Variants in TENM2 observed in about 807,000 individuals in gnomAD.
TENM2 encodes the protein teneurin-2.
A neutral mutation model predicts 245.2 loss-of-function variants in TENM2; 52 were observed. The observed-to-expected ratio is 0.21, with a 90% CI of 0.17 to 0.27. The LOEUF (loss-of-function observed/expected upper bound fraction) is 0.27. Among genes scored for constraint, TENM2 ranks in the 10% least tolerant of loss-of-function variants. The probability of loss-of-function intolerance (pLI) is 1.00; values close to 1 mark genes in which losing one functional copy is unlikely to be tolerated. For synonymous variants in TENM2, 1,363 were observed against 1,438.9 expected (o/e 0.95, Z 1.19); for missense variants, 3,046 against 3,666.8 (o/e 0.83, Z 4.37).
chr5:168,114,064 T>C (rs866075470), intron 9 of TENM2, among the ~76,000 whole-genome samples: 4 of 152,224 alleles, frequency 2.6e-5, no homozygotes, highest in Non-Finnish European at 5.9e-5. Context: ...ACCTATGGCA[T>C]TTCTTTATTT....
chr5:167,617,183 GTATTTTCTCTGCATTT>G (rs1234429885), intron 2 of TENM2, among the ~76,000 whole-genome samples: 1 of 152,032 alleles, frequency 6.6e-6, no homozygotes, highest in African/African-American at 2.4e-5. Context: ...ACTTTTTAAT[GTATTTTCTCTGCATTT>G]TAAAATGACT....
chr5:167,295,508 C>T (rs548126801), intron 1 of TENM2, among the ~76,000 whole-genome samples: 7 of 152,250 alleles, frequency 4.6e-5, no homozygotes, highest in South Asian at 2.1e-4. Flanking sequence ...CAGTGAGAGA[C>T]GGAAGAATTG....
chr5:167,811,145 G>A (rs541204435), intron 2 of TENM2, among the ~76,000 whole-genome samples: 8 of 152,224 alleles, frequency 5.3e-5, no homozygotes, highest in African/African-American at 1.7e-4. Context: ...TTCTCAGGTA[G>A]GATTTGCACA....
chr5:167,722,042 C>CCTCACCCTACT (rs1253870702), intron 2 of TENM2, among the ~76,000 whole-genome samples: 4 of 152,136 alleles, frequency 2.6e-5, no homozygotes, highest in Non-Finnish European at 1.5e-5. Flanking sequence ...AGGCTCTGTC[C>CCTCACCCTACT]CAGGGCCAAT....
the TENM2 span, among the ~76,000 whole-genome samples, chr5:167,079,802 A>G: frequency 1.3e-5 from 2 of 152,196 alleles, no homozygotes; most frequent in African/African-American, 2.4e-5. Flanking sequence ...AATTGAAAAG[A>G]AAGTGCCATA....
intron 2 of TENM2, among the ~76,000 whole-genome samples, chr5:167,742,635 C>T (rs1761262545): frequency 6.6e-6 from 1 of 151,956 alleles, no homozygotes; most frequent in South Asian, 2.1e-4. Flanking sequence ...CTCATGTTTG[C>T]AGATTTGAGT....
chr5:167,901,926 A>G (rs772932412), intron 3 of TENM2, among the ~76,000 whole-genome samples: 2 of 152,226 alleles, frequency 1.3e-5, no homozygotes, highest in African/African-American at 4.8e-5. Context: ...TAATCTTTTT[A>G]TAACTTTATA....
intron 2 of TENM2, among the ~76,000 whole-genome samples, chr5:167,581,301 G>T (rs1283479085): frequency 6.6e-6 from 1 of 152,160 alleles, no homozygotes; most frequent in Non-Finnish European, 1.5e-5. Flanking sequence ...GCAAAAAGTG[G>T]TGTTGCCTCA....
At chr5:168,027,604 C>T (rs1477869258) in intron 5 of TENM2, among the ~76,000 whole-genome samples, 1 of 152,062 alleles carries the variant, frequency 6.6e-6, no homozygotes, top group Non-Finnish European at 1.5e-5. Flanking sequence ...TTTATGGATG[C>T]TTGGTACTGA....
At chr5:167,069,010 G>A in the TENM2 span, among the ~76,000 whole-genome samples, 7 of 152,108 alleles carry the variant, frequency 4.6e-5, no homozygotes, top group African/African-American at 1.7e-4. Flanking sequence ...CTGCTGTGTG[G>A]AATGAAACTC....
the TENM2 span, among the ~76,000 whole-genome samples, chr5:167,036,364 A>G: frequency 6.6e-6 from 1 of 152,208 alleles, no homozygotes; most frequent in East Asian, 1.9e-4. Flanking sequence ...ATTTCAGGCT[A>G]TATTTCTTGT....
intron 2 of TENM2, among the ~76,000 whole-genome samples, chr5:167,819,721 T>C (rs1462199545): frequency 6.6e-6 from 1 of 152,170 alleles, no homozygotes; most frequent in Non-Finnish European, 1.5e-5. Flanking sequence ...TGTTGAGCTA[T>C]AGAGAAGGGA....
intron 2 of TENM2, among the ~76,000 whole-genome samples, chr5:167,817,351 T>C (rs1000898784): frequency 1.5e-4 from 23 of 152,250 alleles, no homozygotes; most frequent in Middle Eastern, 3.4e-3. Flanking sequence ...CTTTTATTTG[T>C]TTATACAGAA....
the TENM2 span, among the ~76,000 whole-genome samples, chr5:167,127,630 A>T: frequency 3.4e-3 from 485 of 143,592 alleles, 1 homozygote; most frequent in African/African-American, 0.012. Context: ...TTTTTTTTTA[A>T]AAAAAAAAAA....
In TENM2 at chr5:168,187,182, G is replaced by A. The variant is rs141791234; in HGVS notation, c.2570-3155G>A. 9.2e-5 allele frequency: 14 copies of A among 152,232 alleles called. No individual in the cohort carries two copies. In the East Asian group the frequency reaches 2.7e-3, roughly 29 times the overall value. The allele number at this position is 152,232 out of a possible 1,614,324, so 9.4% of individuals were successfully genotyped here. A position where few individuals can be genotyped will look rare whatever the true frequency, so the allele number is the denominator to read the frequency against. On this transcript the variant is annotated intron_variant, in intron 13 of 28. Coordinates refer to ENST00000518659, the Ensembl canonical transcript of TENM2. ...TCATCTGCTATTGCTGATGTGCTTAGGCCATCTCCTGCCAGACAGGCCCTT... is the reference window on the plus strand; with the variant it reads ...TCATCTGCTATTGCTGATGTGCTTAAGCCATCTCCTGCCAGACAGGCCCTT...
chr5:168,005,833 T>A (rs578165171), intron 5 of TENM2, among the ~76,000 whole-genome samples: 5 of 152,186 alleles, frequency 3.3e-5, no homozygotes, highest in Non-Finnish European at 7.3e-5. Flanking sequence ...ACAGAGAGTA[T>A]TTTTTGTGCA....
chr5:167,961,886 G>C (rs1033048100), intron 4 of TENM2, among the ~76,000 whole-genome samples: 7 of 152,160 alleles, frequency 4.6e-5, no homozygotes, highest in Admixed American at 4.6e-4. Flanking sequence ...TATTGCCCTA[G>C]TTGTTACATT....
At chr5:167,831,768 C>A (rs1768517987) in intron 2 of TENM2, among the ~76,000 whole-genome samples, 1 of 152,016 alleles carries the variant, frequency 6.6e-6, no homozygotes, top group African/African-American at 2.4e-5. Context: ...CATATAATAG[C>A]CTTAATGGGA....
At chr5:167,237,465 T>C in the TENM2 span, among the ~76,000 whole-genome samples, 4 of 152,212 alleles carry the variant, frequency 2.6e-5, no homozygotes, top group South Asian at 8.3e-4. Flanking sequence ...TGGCCAAAAC[T>C]TCCATGGTGT....
Sources: allele counts gnomAD v4.1 joint callset (sites outside exome capture counted in the v4.1 genomes callset), GRCh38; gene constraint gnomAD v4.1.1; transcripts MANE v1.5; gene names NCBI Gene and HGNC (gene_info 2026-07-23, HGNC 2026-07-21).